The following RAPGEF1 variants were observed in gnomAD, a reference collection of about 807,000 sequenced individuals.
The protein encoded by RAPGEF1 is CRK SH3-binding GNRP.
RAPGEF1 carries 33 observed loss-of-function variants against 143.3 expected under a neutral mutation model. That is an observed-to-expected ratio of 0.23 (90% CI 0.17 to 0.31). The LOEUF is 0.31. Ranked by LOEUF, RAPGEF1 falls within the 10% of genes least tolerant of loss-of-function variation. The pLI is 1.00. For synonymous variants in RAPGEF1, 629 were observed against 676.5 expected (o/e 0.93, Z 1.09); for missense variants, 1,199 against 1,645.4 (o/e 0.73, Z 4.69).
chr9:131,685,213 G>C (rs1020688129), intron 1 of RAPGEF1, among the ~76,000 whole-genome samples: 3 of 152,230 alleles, frequency 2.0e-5, no homozygotes, highest in African/African-American at 7.2e-5. Flanking sequence ...ACAGTCTGCA[G>C]ATGTGGATCC....
intron 1 of RAPGEF1, among the ~76,000 whole-genome samples, chr9:131,665,775 G>C (rs1431942039): frequency 1.3e-5 from 2 of 152,120 alleles, no homozygotes; most frequent in African/African-American, 4.8e-5. Context: ...CTAATCCTGG[G>C]ACTCAATACT....
At chr9:131,652,301 A>C (rs1415740020) in intron 1 of RAPGEF1, among the ~76,000 whole-genome samples, 11 of 152,076 alleles carry the variant, frequency 7.2e-5, no homozygotes, top group African/African-American at 2.7e-4. Flanking sequence ...CTAAGACTAG[A>C]GTGCAGTGGT....
chr9:131,648,536 A>C (rs1349022365), intron 3 of RAPGEF1, among the ~76,000 whole-genome samples: 1 of 152,232 alleles, frequency 6.6e-6, no homozygotes, highest in African/African-American at 2.4e-5. Flanking sequence ...GACTGCCTGG[A>C]CTAGTGTTGG....
intron 12 of RAPGEF1, among the ~76,000 whole-genome samples, chr9:131,614,194 C>T (rs1195935155): frequency 6.6e-6 from 1 of 152,202 alleles, no homozygotes; most frequent in African/African-American, 2.4e-5. Context: ...CCCCGGCTAC[C>T]GGGTTCTGCC....
chr9:131,683,102 A>G (rs12345544), intron 1 of RAPGEF1, among the ~76,000 whole-genome samples: 2,955 of 152,316 alleles, frequency 0.019, 107 homozygotes, highest in African/African-American at 0.068. Flanking sequence ...CATACAATGC[A>G]TGAATTGGGG....
chr9:131,648,107 C>T (rs956611248), intron 3 of RAPGEF1, among the ~76,000 whole-genome samples: 3 of 152,120 alleles, frequency 2.0e-5, no homozygotes, highest in East Asian at 1.9e-4. Context: ...GGGAAAATCC[C>T]GGCTGGGTGC....
At chr9:131,615,110 TTG>T (rs1265493539) in intron 12 of RAPGEF1, among the ~76,000 whole-genome samples, 9 of 152,334 alleles carry the variant, frequency 5.9e-5, no homozygotes, top group East Asian at 3.9e-4. Flanking sequence ...TCTTGCTCTG[TTG>T]CCCAGGCTGG....
intron 5 of RAPGEF1, among the ~76,000 whole-genome samples, chr9:131,632,906 T>C (rs6597514): frequency 0.87 from 131,672 of 152,214 alleles, 57,149 homozygotes; most frequent in African/African-American, 0.93. Context: ...AACCCCGCCC[T>C]CCAAAATTAA....
intron 17 of RAPGEF1, among the ~76,000 whole-genome samples, chr9:131,595,137 C>T (rs967374839): frequency 3.9e-5 from 6 of 152,206 alleles, no homozygotes; most frequent in Admixed American, 6.5e-5. Flanking sequence ...CAAGTGGAGT[C>T]GGCTCAGGCC....
At chr9:131,645,246 AC>A (rs1208454558) in intron 3 of RAPGEF1, among the ~76,000 whole-genome samples, 25 of 152,350 alleles carry the variant, frequency 1.6e-4, no homozygotes, top group Middle Eastern at 3.4e-3. Flanking sequence ...GCCATGGTCA[AC>A]CAGGCAAGAA....
intron 1 of RAPGEF1, chr9:131,737,658 AC>A: frequency 1.5e-6 from 2 of 1,321,056 alleles, no homozygotes; most frequent in South Asian, 1.6e-5. Context: ...ATGACAGGCA[AC>A]TTTTTCCTTT....
chr9:131,688,529 A>G (rs1430833895), intron 1 of RAPGEF1, among the ~76,000 whole-genome samples: 1 of 152,200 alleles, frequency 6.6e-6, no homozygotes, highest in Non-Finnish European at 1.5e-5. Context: ...GAAACTCTGT[A>G]AGAAATTTAC....
chr9:131,668,402 G>C (rs1004047371), intron 1 of RAPGEF1, among the ~76,000 whole-genome samples: 1 of 152,204 alleles, frequency 6.6e-6, no homozygotes, highest in Admixed American at 6.5e-5. Context: ...TAGAAGCCAG[G>C]AGTGGGGCTT....
At chr9:131,726,845 T>C (rs185290554) in intron 1 of RAPGEF1, among the ~76,000 whole-genome samples, 1 of 151,780 alleles carries the variant, frequency 6.6e-6, no homozygotes, top group East Asian at 1.9e-4. Context: ...ACAAAAAAAA[T>C]TTTTTTAAAT....
chr9:131,609,564 G>C (rs141687468), intron 12 of RAPGEF1, among the ~76,000 whole-genome samples: 18 of 152,298 alleles, frequency 1.2e-4, no homozygotes, highest in African/African-American at 4.1e-4. Flanking sequence ...CCAGGATGGA[G>C]AGAGGGGTGC....
In RAPGEF1 at chr9:131,596,158, C is replaced by T. The variant is rs557503255; in HGVS notation, c.2689+140G>A. The T allele has an allele frequency of 5.6e-5, 41 of 728,350 alleles. No homozygotes were observed. In the African/African-American group the frequency reaches 7.0e-4, roughly 12 times the overall value. The allele number at this position is 728,350 out of a possible 1,614,324, so 45.1% of individuals were successfully genotyped here. The stretch of plus-strand genomic sequence containing the variant: ...TGTCTTCCAAGGTGGGCTCTCCCTG[C>T]TCTGACTCAGGCGCACCAGGACTGC... On this transcript the variant is annotated intron_variant, in intron 17 of 26. Coordinates refer to ENST00000683357, the MANE Select transcript of RAPGEF1 (RefSeq NM_001377935.1).
chr9:131,673,688 C>T (rs1270418536), intron 1 of RAPGEF1, among the ~76,000 whole-genome samples: 1 of 152,136 alleles, frequency 6.6e-6, no homozygotes, highest in Non-Finnish European at 1.5e-5. Context: ...GCTACAAAAG[C>T]ACCCCCCCGG....
intron 1 of RAPGEF1, among the ~76,000 whole-genome samples, chr9:131,670,939 A>C (rs1171126865): frequency 1.3e-5 from 2 of 152,222 alleles, no homozygotes; most frequent in African/African-American, 4.8e-5. Flanking sequence ...CATACTGATT[A>C]AAGAGGCTCC....
intron 10 of RAPGEF1, 131 bp from the exon 11 acceptor site, chr9:131,622,129 G>A (rs1961291470): frequency 2.3e-6 from 2 of 859,626 alleles, no homozygotes; most frequent in East Asian, 2.7e-5. Context: ...AACAGACGGA[G>A]CACGGAGGAC....
Sources: allele counts gnomAD v4.1 joint callset (sites outside exome capture counted in the v4.1 genomes callset), GRCh38; gene constraint gnomAD v4.1.1; transcripts MANE v1.5; gene names NCBI Gene and HGNC (gene_info 2026-07-23, HGNC 2026-07-21).